The following PDE4D variants were observed in gnomAD, a reference collection of about 807,000 sequenced individuals.
The protein encoded by PDE4D is phosphodiesterase 4D.
PDE4D carries 24 observed loss-of-function variants against 87.4 expected under a neutral mutation model. That is an observed-to-expected ratio of 0.27 (90% CI 0.20 to 0.39). The LOEUF (loss-of-function observed/expected upper bound fraction) is 0.39, where lower values mean the gene tolerates loss of function less well. Among genes scored for constraint, PDE4D ranks in the 10% least tolerant of loss-of-function variants. PDE4D has a pLI of 1.00. For synonymous variants in PDE4D, 384 were observed against 383.2 expected, an observed-to-expected ratio of 1.00 and a Z score of -0.02; for missense variants, 714 against 1,041.0, an observed-to-expected ratio of 0.69 and a Z score of 4.32.
At chr5:59,029,491 AGACATTGATTT>A in intron 6 of PDE4D, among the ~76,000 whole-genome samples, 3 of 151,980 alleles carry the variant, frequency 2.0e-5, no homozygotes, top group Admixed American at 2.0e-4. Flanking sequence ...GGAAACTACA[AGACATTGATTT>A]AAACAACTGA....
intron 1 of PDE4D, among the ~76,000 whole-genome samples, chr5:59,284,810 C>T (rs1277127986): frequency 7.0e-5 from 4 of 57,306 alleles, no homozygotes; most frequent in Admixed American, 4.4e-4. Context: ...TTGGAACCAA[C>T]CCAAATGTCC....
chr5:59,356,588 C>T (rs945184734), intron 1 of PDE4D, among the ~76,000 whole-genome samples: 1 of 152,108 alleles, frequency 6.6e-6, no homozygotes, highest in African/African-American at 2.4e-5. Context: ...CTGCACGTAC[C>T]TACATACCCC....
intron 1 of PDE4D, among the ~76,000 whole-genome samples, chr5:59,743,325 C>G (rs1195461794): frequency 6.6e-6 from 1 of 151,992 alleles, no homozygotes; most frequent in African/African-American, 2.4e-5. Context: ...TTGATCTATT[C>G]AAAACATTTT....
chr5:60,053,305 A>T (rs1031813291), intron 2 of PDE4D, among the ~76,000 whole-genome samples: 2 of 152,258 alleles, frequency 1.3e-5, no homozygotes, highest in Non-Finnish European at 1.5e-5. Context: ...GCAAGGCTAC[A>T]GTAACCAAAA....
At chr5:59,157,584 T>C (rs1220528631) in intron 5 of PDE4D, among the ~76,000 whole-genome samples, 1 of 152,234 alleles carries the variant, frequency 6.6e-6, no homozygotes, top group Non-Finnish European at 1.5e-5. Flanking sequence ...TATTGTATAA[T>C]TGTTATTATT....
At chr5:59,699,335 C>T (rs1266759740) in intron 1 of PDE4D, among the ~76,000 whole-genome samples, 2 of 151,958 alleles carry the variant, frequency 1.3e-5, no homozygotes, top group Non-Finnish European at 2.9e-5. Flanking sequence ...GTTATAAGTA[C>T]GTCAACAATT....
chr5:59,706,153 A>G (rs1161386113), intron 1 of PDE4D, among the ~76,000 whole-genome samples: 1 of 152,080 alleles, frequency 6.6e-6, no homozygotes, highest in Non-Finnish European at 1.5e-5. Flanking sequence ...TGCCCTGGGG[A>G]TTGGCCATGT....
At chr5:59,950,507 C>T (rs531896012) in intron 3 of PDE4D, among the ~76,000 whole-genome samples, 1 of 151,926 alleles carries the variant, frequency 6.6e-6, no homozygotes, top group African/African-American at 2.4e-5. Context: ...CTTTGTGTCT[C>T]TCAAACACAG....
At chr5:59,850,538 G>T (rs1269128273) in intron 1 of PDE4D, among the ~76,000 whole-genome samples, 1 of 151,976 alleles carries the variant, frequency 6.6e-6, no homozygotes, top group Non-Finnish European at 1.5e-5. Context: ...AACAGGAAAA[G>T]AAAAGGCATA....
intron 1 of PDE4D, among the ~76,000 whole-genome samples, chr5:59,414,866 T>C (rs922384685): frequency 2.0e-5 from 3 of 152,158 alleles, no homozygotes; most frequent in African/African-American, 7.2e-5. Context: ...GGAGTTGTCA[T>C]TTGGATCTGG....
chr5:59,051,634 G>A (rs946836787), intron 5 of PDE4D, among the ~76,000 whole-genome samples: 1 of 152,112 alleles, frequency 6.6e-6, no homozygotes, highest in Admixed American at 6.5e-5. Flanking sequence ...TAATGGACAC[G>A]AACCTACCAA....
chr5:60,327,102 C>T (rs1583431954), intron 1 of PDE4D, among the ~76,000 whole-genome samples: 1 of 152,052 alleles, frequency 6.6e-6, no homozygotes, highest in Non-Finnish European at 1.5e-5. Flanking sequence ...CTCTTAGAGT[C>T]CCAGGTAGAC....
intron 1 of PDE4D, among the ~76,000 whole-genome samples, chr5:60,516,118 C>T (rs757204780): frequency 2.0e-5 from 3 of 151,890 alleles, no homozygotes; most frequent in South Asian, 4.2e-4. Context: ...ATTAAGTTTG[C>T]GATGGAATAG....
At chr5:59,469,650 G>C (rs1447063742) in intron 1 of PDE4D, among the ~76,000 whole-genome samples, 1 of 152,138 alleles carries the variant, frequency 6.6e-6, no homozygotes, top group Non-Finnish European at 1.5e-5. Context: ...GTTACCAAAA[G>C]CCAAAGAAAA....
intron 1 of PDE4D, among the ~76,000 whole-genome samples, chr5:60,206,693 A>G (rs966221): frequency 0.56 from 85,744 of 152,108 alleles, 24,690 homozygotes; most frequent in Admixed American, 0.6. Flanking sequence ...GATAAACCAC[A>G]TTTTACTATC....
intron 1 of PDE4D, among the ~76,000 whole-genome samples, chr5:59,842,862 T>C (rs1052138776): frequency 1.3e-5 from 2 of 152,052 alleles, no homozygotes; most frequent in Non-Finnish European, 2.9e-5. Flanking sequence ...TGAATTCTGC[T>C]TTTTTCCTTA....
chr5:60,471,961 G>T (rs1045132785), intron 1 of PDE4D, among the ~76,000 whole-genome samples: 23 of 152,030 alleles, frequency 1.5e-4, no homozygotes, highest in Non-Finnish European at 1.8e-4. Flanking sequence ...CGAGCCCGGG[G>T]ATAGTCTGGT....
intron 1 of PDE4D, among the ~76,000 whole-genome samples, chr5:59,684,244 T>A (rs759193613): frequency 7.2e-5 from 11 of 152,172 alleles, no homozygotes; most frequent in Non-Finnish European, 1.3e-4. Flanking sequence ...TCTCCTCATA[T>A]CTTTTGCTCA....
intron 1 of PDE4D, among the ~76,000 whole-genome samples, chr5:59,564,242 G>A (rs1358755615): frequency 6.6e-6 from 1 of 152,204 alleles, no homozygotes; most frequent in African/African-American, 2.4e-5. Flanking sequence ...TTTAATATGT[G>A]TACTATTATC....
Sources: gnomAD v4.1 joint callset for allele counts (sites outside exome capture counted in the v4.1 genomes callset) on GRCh38, gnomAD v4.1.1 for gene constraint, MANE v1.5 for transcripts, NCBI Gene and HGNC (gene_info 2026-07-23, HGNC 2026-07-21) for gene names.